DSP: variants seen among roughly 807,000 people sequenced by gnomAD.
The protein encoded by DSP is 250/210 kDa paraneoplastic pemphigus antigen.
In DSP, 114 loss-of-function variants were observed where a neutral mutation model predicts 290.6. The observed-to-expected ratio is 0.39, with a 90% CI of 0.34 to 0.46. The LOEUF (loss-of-function observed/expected upper bound fraction) is 0.46, where lower values mean the gene tolerates loss of function less well. Among genes scored for constraint, DSP ranks in the 20% least tolerant of loss-of-function variants. DSP has a pLI of 0.99. For synonymous variants in DSP, 1,311 were observed against 1,316.4 expected (o/e 1.00, Z 0.09); for missense variants, 3,230 against 3,495.8 (o/e 0.92, Z 1.92).
rs527858295 is a variant in DSP at position 7,584,840 on chromosome 6, T to G, written c.7578T>G (p.Ser2526Arg). ...RVVLVDRKTG[S>R]QYDIQDAIDK... The stretch of plus-strand genomic sequence containing the variant: ...TCCTGGTAGATAGAAAGACAGGCAG[T>G]CAGTATGATATTCAAGATGCTATTG... The change falls in exon 24 of 24, where the codon AGT (serine) becomes AGG (arginine). Residue 2526 changes from serine to arginine, a missense_variant. Ser to Arg is a moderately radical substitution (Grantham distance 110). This residue lies in a region of DSP where 582 missense variants were observed against 555.4 expected (regional missense o/e 1.05). Coordinates refer to ENST00000379802, the MANE Select transcript of DSP (RefSeq NM_004415.4). The surrounding 1 kb of genome is among the most constrained non-coding windows in gnomAD (Gnocchi z 6.4). 2 of 1,614,136 alleles carry G rather than the reference T, an allele frequency of 1.2e-6. No homozygotes were observed. The highest frequency in any genetic ancestry group is 2.2e-5 in the East Asian group (1 of 44,864).
At chr6:7,547,601 ATT>A (rs61417378) in intron 1 of DSP, among the ~76,000 whole-genome samples, 36,992 of 145,154 alleles carry the variant, frequency 0.25, 4,545 homozygotes, top group African/African-American at 0.31. Context: ...ACTAATTAAA[ATT>A]TTTTTTTTTT....
In DSP at chr6:7,569,846, A is replaced by C. The variant is rs1758989053; in HGVS notation, c.1574+506A>C. Among the ~76,000 whole-genome samples, 5 of 144,702 alleles carry C rather than the reference A, an allele frequency of 3.5e-5. No homozygotes were observed. In the South Asian group the frequency reaches 8.9e-4, roughly 26 times the overall value. The allele number at this position is 144,702 out of a possible 152,430, so 94.9% of individuals were successfully genotyped here. On this transcript the variant is annotated intron_variant, in intron 12 of 23. Coordinates refer to ENST00000379802, the MANE Select transcript of DSP (RefSeq NM_004415.4). ...CAAAACTCCATCTCAAAAAAAAAAAAGGAATGTCTGACTGTAGTGGGGCCA... is the reference window on the plus strand; with the variant it reads ...CAAAACTCCATCTCAAAAAAAAAAACGGAATGTCTGACTGTAGTGGGGCCA...
chr6:7,585,552 C>T lies in DSP; in HGVS notation c.8290C>T (p.Leu2764=). 1 of 1,614,180 alleles carries T rather than the reference C, an allele frequency of 6.2e-7. No homozygotes were observed. The change falls in exon 24 of 24, where the codon CTG becomes TTG. Residue 2764 remains leucine (L), a synonymous_variant. Transcript: ENST00000379802. ...CATAGATGGCCGCGCCGCACAGAGGCTGCAAGACACCAGCAGCTATGCCAA... is the reference window on the plus strand; with the variant it reads ...CATAGATGGCCGCGCCGCACAGAGGTTGCAAGACACCAGCAGCTATGCCAA... ...GFIDGRAAQR[L]QDTSSYAKIL...
Position 7,584,853 on chromosome 6 carries a change from C to G in DSP, c.7591C>G (p.Gln2531Glu). 6.2e-7 allele frequency: 1 copy of G among 1,614,168 alleles called. No individual in the cohort carries two copies. The highest frequency in any genetic ancestry group is 8.5e-7 in the Non-Finnish European group (1 of 1,180,026). Residue 2531 changes from glutamine (Q) to glutamate (E), a missense_variant, in exon 24 of 24, where the codon CAA becomes GAA. Physicochemically the swap from Gln to Glu is conservative, Grantham distance 29 (BLOSUM62 2). Around this residue, in one of 5 missense-constraint regions of DSP, gnomAD observed 582 missense variants for 555.4 expected, o/e 1.05. Coordinates refer to ENST00000379802, the MANE Select transcript of DSP (RefSeq NM_004415.4). The surrounding 1 kb of genome is among the most constrained non-coding windows in gnomAD (Gnocchi z 6.4). ...DRKTGSQYDI[Q>E]DAIDKGLVDR... is the part of the protein sequence containing the mutation. Reference sequence around the variant, plus strand: ...AAAGACAGGCAGTCAGTATGATATTCAAGATGCTATTGACAAGGGCCTTGT... The same window carrying G: ...AAAGACAGGCAGTCAGTATGATATTGAAGATGCTATTGACAAGGGCCTTGT...
Position 7,579,465 on chromosome 6 carries a change from C to T in DSP, c.3275C>T (p.Ser1092Leu), listed in dbSNP as rs755481878. Reference protein sequence around the residue: ...LKRQAELDGKSAKQNLDKCYG... With the variant: ...LKRQAELDGKLAKQNLDKCYG... ...AGACAGGCTGAGCTGGATGGGAAGT[C>T]GGCTAAGCAAAATCTAGACAAGTGC... Residue 1092 changes from serine to leucine, a missense_variant, in exon 23 of 24, where the codon TCG becomes TTG. Physicochemically the swap from Ser to Leu is moderately radical, Grantham distance 145. Around this residue, in one of 5 missense-constraint regions of DSP, gnomAD observed 1,714 missense variants for 1,844.5 expected, o/e 0.93. Transcript: ENST00000379802. This position sits in a 1 kb window ranked among gnomAD's most constrained non-coding sequence, Gnocchi z 4.1. The T allele has an allele frequency of 4.2e-5, 67 of 1,613,954 alleles. 6 individuals carry two copies. The South Asian group carries it at 5.7e-4, about 14-fold the overall frequency.
intron 16 of DSP, 143 bp from the exon 17 acceptor site, chr6:7,574,514 G>C: frequency 1.6e-6 from 2 of 1,231,188 alleles, no homozygotes; most frequent in Non-Finnish European, 2.3e-6. Context: ...ATGTTGGTCT[G>C]AATCACAATA....
At chr6:7,542,112 C>A in intron 1 of DSP, 27 bp downstream of exon 1, 1 of 1,551,526 alleles carries the variant, frequency 6.4e-7, no homozygotes, top group Non-Finnish European at 8.7e-7. Flanking sequence ...AGAGCGCGGG[C>A]TGCGGGGCTC....
In DSP at chr6:7,583,121, C is replaced by T. The variant is rs752518537; in HGVS notation, c.5859C>T (p.Thr1953=). The change falls in exon 24 of 24, where the codon ACC becomes ACT. Residue 1953 remains threonine, a synonymous_variant. Transcript: ENST00000379802. The surrounding 1 kb of genome is among the most constrained non-coding windows in gnomAD (Gnocchi z 4.0). ...GCCCATATGGGTCCCATCGAGAGAC[C>T]CAGACTGAGTGTGAGTGGACCGTTG... The part of the protein sequence containing the change: ...RQRPYGSHRE[T]QTECEWTVDT... 1 of 1,613,952 alleles carries T rather than the reference C, an allele frequency of 6.2e-7. No homozygotes were observed. Among genetic ancestry groups the T allele is most frequent in the Non-Finnish European group, 8.5e-7 (1 of 1,180,014 alleles).
chr6:7,557,418 G>A (rs1421393130), intron 2 of DSP, among the ~76,000 whole-genome samples: 1 of 152,160 alleles, frequency 6.6e-6, no homozygotes, highest in Non-Finnish European at 1.5e-5. Flanking sequence ...GGTGGCTCAC[G>A]CTTGTAATCC....
chr6:7,575,271 A>G, intron 17 of DSP, 24 bp from the exon 18 acceptor site: 1 of 1,610,640 alleles, frequency 6.2e-7, no homozygotes. Flanking sequence ...TTAATTTGCA[A>G]TCTTTTTTTT....
intron 1 of DSP, among the ~76,000 whole-genome samples, chr6:7,552,760 A>C (rs1758382724): frequency 6.6e-6 from 1 of 151,550 alleles, no homozygotes; most frequent in Admixed American, 6.6e-5. Flanking sequence ...GAGAAATAGG[A>C]ATGTCTTCTA....
intron 5 of DSP, 87 bp from the exon 6 acceptor site, chr6:7,563,649 C>A: frequency 9.5e-7 from 1 of 1,054,502 alleles, no homozygotes; most frequent in Non-Finnish European, 1.5e-6. Context: ...AGGCCAGTAT[C>A]TGAAGAAAAG....
At chr6:7,548,032 GC>G in intron 1 of DSP, among the ~76,000 whole-genome samples, 1 of 152,226 alleles carries the variant, frequency 6.6e-6, no homozygotes, top group Admixed American at 6.5e-5. Flanking sequence ...ACTTTGGGAG[GC>G]CGAGGTGGGC....
intron 2 of DSP, among the ~76,000 whole-genome samples, chr6:7,557,911 C>T (rs944415608): frequency 2.6e-5 from 4 of 152,160 alleles, no homozygotes; most frequent in African/African-American, 9.7e-5. Context: ...ACTTTAAAAG[C>T]CAAGTGCAAA....
At position 7,555,818 on chromosome 6, in the gene DSP, C is replaced by G. The variant is rs778359714; in HGVS notation, c.271C>G (p.Pro91Ala). The G allele has an allele frequency of 6.2e-7, 1 of 1,613,536 alleles. No individual in the cohort carries two copies. Among genetic ancestry groups the G allele is most frequent in the African/African-American group, 1.3e-5 (1 of 74,926 alleles). ...CLMRAELIVQPELKYGDGIQL... is the reference protein window; with the variant it reads ...CLMRAELIVQAELKYGDGIQL... ...GATGCGAGCAGAGCTCATCGTGCAG[C>G]CTGTAAGCTTTCCCTGTTCCCATCG... The change falls in exon 2 of 24, where the codon CCT becomes GCT. Residue 91 changes from proline to alanine, a missense_variant and splice_region_variant. By Grantham distance (27) the Pro-to-Ala change is conservative. This residue lies in a region of DSP where 646 missense variants were observed against 684.3 expected (regional missense o/e 0.94). Coordinates refer to ENST00000379802, the MANE Select transcript of DSP (RefSeq NM_004415.4).
In DSP at chr6:7,580,970, C is replaced by T. The variant is rs149463707; in HGVS notation, c.4780C>T (p.Leu1594=). The T allele has an allele frequency of 1.7e-5, 28 of 1,613,938 alleles. No homozygotes were observed. In the African/African-American group the frequency reaches 3.6e-4, roughly 21 times the overall value. The change falls in exon 23 of 24, where the codon CTG becomes TTG. Residue 1594 remains leucine, a synonymous_variant. Coordinates refer to ENST00000379802, the MANE Select transcript of DSP (RefSeq NM_004415.4). This position sits in a 1 kb window ranked among gnomAD's most constrained non-coding sequence, Gnocchi z 4.2. ...AGAAGACTCCTGCAAGAGGAAGAAG[C>T]TGGAGGAAGAGCTGGAAGGCATGAG... The part of the protein sequence containing the change: ...ASEDSCKRKK[L]EEELEGMRRS...
intron 1 of DSP, 95 bp from the exon 2 acceptor site, chr6:7,555,623 T>A: frequency 9.6e-7 from 1 of 1,045,726 alleles, no homozygotes; most frequent in Non-Finnish European, 1.5e-6. Context: ...ACAGGAGTGG[T>A]TTTGTCCCGT....
Position 7,570,547 on chromosome 6 carries a change from C to T in DSP, c.1685C>T (p.Ala562Val), listed in dbSNP as rs767605301. 1.2e-6 allele frequency: 2 copies of T among 1,613,192 alleles called. No homozygotes were observed. Among genetic ancestry groups the T allele is most frequent in the East Asian group, 4.5e-5 (2 of 44,888 alleles). Residue 562 changes from alanine to valine, a missense_variant, in exon 13 of 24, where the codon GCC becomes GTC. Physicochemically the swap from Ala to Val is moderately conservative, Grantham distance 64. Around this residue, in one of 5 missense-constraint regions of DSP, gnomAD observed 81 missense variants for 130.5 expected, o/e 0.62. Coordinates refer to ENST00000379802, the MANE Select transcript of DSP (RefSeq NM_004415.4). ...ATGATTGACATAGAGAAGATCAGGG[C>T]CATGACAATCGCCAAGGTATGTCCT... The part of the protein sequence containing the change: ...YCMIDIEKIR[A>V]MTIAKLKTMR...
Position 7,560,199 on chromosome 6 carries a change from T to G in DSP, c.597+799T>G, listed in dbSNP as rs966126816. Among the ~76,000 whole-genome samples, 17 of 152,234 alleles carry G rather than the reference T, an allele frequency of 1.1e-4. 1 individual carries two copies. The highest frequency in any genetic ancestry group is 2.9e-5 in the Non-Finnish European group (2 of 68,036). On this transcript the variant is annotated intron_variant, in intron 4 of 23. Transcript: ENST00000379802. ...TTAGAGTGATAAGTTGTGGAGAGAT[T>G]GTTATGCAATTTAGATGTGGTTGTA...
Sources: allele counts gnomAD v4.1 joint callset (sites outside exome capture counted in the v4.1 genomes callset), GRCh38; gene constraint gnomAD v4.1.1; regional missense constraint gnomAD v4.1.1; non-coding constraint Gnocchi (gnomAD v3.1); transcripts MANE v1.5; gene names NCBI Gene and HGNC (gene_info 2026-07-23, HGNC 2026-07-21).